The following TRIM9 variants were observed in gnomAD, a reference collection of about 807,000 sequenced individuals.
TRIM9 encodes E3 ubiquitin-protein ligase TRIM9.
Under a neutral mutation model 78.3 loss-of-function variants are expected in TRIM9, and 26 were observed. The ratio of observed to expected loss-of-function variants is 0.33; its 90% confidence interval spans 0.24 to 0.46. TRIM9 has a LOEUF of 0.46. TRIM9 is among the 20% of genes least tolerant of loss of function. TRIM9 has a pLI of 1.00. For missense variants in TRIM9, 787 were observed against 1,036.4 expected (o/e 0.76, Z 3.30); for synonymous variants, 398 against 416.5 (o/e 0.96, Z 0.54).
intron 1 of TRIM9, among the ~76,000 whole-genome samples, chr14:51,051,075 A>G (rs1050040393): frequency 4.6e-5 from 7 of 152,216 alleles, no homozygotes; most frequent in African/African-American, 1.7e-4. Flanking sequence ...AAGGCTTTGT[A>G]GTTCAAGGTA....
intron 1 of TRIM9, among the ~76,000 whole-genome samples, chr14:51,040,405 C>T (rs1473317516): frequency 1.3e-5 from 2 of 152,150 alleles, no homozygotes; most frequent in Admixed American, 6.5e-5. Flanking sequence ...TACCCGGCAG[C>T]ACCCGACATC....
chr14:51,017,517 G>C (rs2057331731), intron 3 of TRIM9, among the ~76,000 whole-genome samples: 1 of 152,244 alleles, frequency 6.6e-6, no homozygotes. Flanking sequence ...TCCTCGTACA[G>C]AGAAGTTAAT....
In TRIM9 at chr14:50,981,814, G is replaced by C. The variant is rs1173896538; in HGVS notation, c.2148C>G (p.Asn716Lys). The part of the protein sequence containing the change: ...DNNRSWFMHN[N>K]SHTNRTEGGI... Reference sequence around the variant, plus strand: ...CTGCAGGGTACCTGTTGGTGTGCGAGTTGTTGTGCATGAACCAGCTCCGGT... The same window carrying C: ...CTGCAGGGTACCTGTTGGTGTGCGACTTGTTGTGCATGAACCAGCTCCGGT... The change falls in exon 11 of 13, where the codon AAC (asparagine) becomes AAG (lysine). Residue 716 changes from asparagine to lysine, a missense_variant. Asn to Lys is a moderately conservative substitution (Grantham distance 94). Around this residue, in one of 3 missense-constraint regions of TRIM9, gnomAD observed 421 missense variants for 514.3 expected, o/e 0.82. Transcript: ENST00000684578. 2.5e-6 allele frequency: 4 copies of C among 1,614,042 alleles called. No homozygotes were observed. Among genetic ancestry groups the C allele is most frequent in the African/African-American group, 2.7e-5 (2 of 74,912 alleles).
intron 1 of TRIM9, among the ~76,000 whole-genome samples, chr14:51,076,715 G>T (rs913937890): frequency 1.3e-5 from 2 of 152,066 alleles, no homozygotes; most frequent in African/African-American, 4.8e-5. Context: ...TTTCATCTTC[G>T]CAACAGTCCT....
At chr14:51,055,002 G>T (rs886964101) in intron 1 of TRIM9, among the ~76,000 whole-genome samples, 3 of 151,164 alleles carry the variant, frequency 2.0e-5, no homozygotes, top group African/African-American at 7.3e-5. Context: ...GCTAATTTTT[G>T]CATTTTCAGA....
At chr14:51,012,490 G>A (rs936192467) in intron 3 of TRIM9, among the ~76,000 whole-genome samples, 6 of 152,044 alleles carry the variant, frequency 3.9e-5, no homozygotes, top group Non-Finnish European at 8.8e-5. Context: ...AATACTTTTG[G>A]CTACTGTGAA....
intron 9 of TRIM9, among the ~76,000 whole-genome samples, 187 bp downstream of exon 9, chr14:50,983,193 A>G (rs1338689624): frequency 6.6e-6 from 1 of 152,224 alleles, no homozygotes; most frequent in Non-Finnish European, 1.5e-5. Flanking sequence ...GTAAGGTTTG[A>G]GGCATAACAT....
chr14:51,023,541 G>A (rs1018875804), intron 2 of TRIM9, among the ~76,000 whole-genome samples: 1 of 152,170 alleles, frequency 6.6e-6, no homozygotes, highest in African/African-American at 2.4e-5. Flanking sequence ...ATAAAAATCA[G>A]ATATGACCCA....
chr14:51,072,965 G>A (rs182510608), intron 1 of TRIM9, among the ~76,000 whole-genome samples: 1 of 152,094 alleles, frequency 6.6e-6, no homozygotes, highest in East Asian at 1.9e-4. Context: ...GGAAAAGGCA[G>A]CTTATTTCAG....
chr14:51,080,147 T>C (rs924705581), intron 1 of TRIM9, among the ~76,000 whole-genome samples: 4 of 152,120 alleles, frequency 2.6e-5, no homozygotes, highest in African/African-American at 9.7e-5. Context: ...AATTTTTTTT[T>C]CTTTTCTAGA....
At chr14:51,055,074 G>T (rs182742308) in intron 1 of TRIM9, among the ~76,000 whole-genome samples, 1 of 151,930 alleles carries the variant, frequency 6.6e-6, no homozygotes, top group African/African-American at 2.4e-5. Flanking sequence ...CGTCCGCCTC[G>T]GCCTCCCAAA....
intron 7 of TRIM9, among the ~76,000 whole-genome samples, chr14:50,992,984 T>TC (rs1302769834): frequency 6.6e-6 from 1 of 152,186 alleles, no homozygotes; most frequent in Non-Finnish European, 1.5e-5. Flanking sequence ...CTCCCCATTT[T>TC]CCCTCCCAGT....
intron 1 of TRIM9, among the ~76,000 whole-genome samples, chr14:51,031,147 C>CAAAAAAAAAAAAAAAAAAAAA (rs1210514761): frequency 9.9e-6 from 1 of 100,758 alleles, no homozygotes; most frequent in South Asian, 3.9e-4. Flanking sequence ...AAACTCTTTC[C>CAAAAAAAAAAAAAAAAAAAAA]AAAAAAAAAA....
chr14:50,994,529 T>C (rs2053950019), intron 7 of TRIM9, among the ~76,000 whole-genome samples: 1 of 152,228 alleles, frequency 6.6e-6, no homozygotes. Context: ...GTCAGATGTC[T>C]AGCCCCTACC....
At chr14:51,072,275 TA>T (rs891275645) in intron 1 of TRIM9, among the ~76,000 whole-genome samples, 1 of 151,956 alleles carries the variant, frequency 6.6e-6, no homozygotes, top group African/African-American at 2.4e-5. Flanking sequence ...TTTACTACAT[TA>T]AAAAAAACAC....
intron 1 of TRIM9, among the ~76,000 whole-genome samples, chr14:51,037,484 ACT>A: frequency 6.6e-6 from 1 of 152,190 alleles, no homozygotes; most frequent in Admixed American, 6.5e-5. Flanking sequence ...TTAAAAGCTA[ACT>A]CACAATGGTG....
At chr14:51,040,274 T>A (rs1341988526) in intron 1 of TRIM9, among the ~76,000 whole-genome samples, 5 of 152,202 alleles carry the variant, frequency 3.3e-5, no homozygotes, top group Non-Finnish European at 7.3e-5. Flanking sequence ...TGACTGAATT[T>A]TCTTTAATAT....
At chr14:51,014,450 T>A (rs1233175958) in intron 3 of TRIM9, among the ~76,000 whole-genome samples, 1 of 152,224 alleles carries the variant, frequency 6.6e-6, no homozygotes, top group African/African-American at 2.4e-5. Context: ...CCACCTTTTT[T>A]ACATTTTAAT....
chr14:51,030,064 G>T (rs770409946), intron 1 of TRIM9, among the ~76,000 whole-genome samples: 2 of 152,208 alleles, frequency 1.3e-5, no homozygotes, highest in Non-Finnish European at 2.9e-5. Context: ...CTTTTTTCCT[G>T]CATGAAGTTT....
Sources: gnomAD v4.1 joint callset for allele counts (sites outside exome capture counted in the v4.1 genomes callset) on GRCh38, gnomAD v4.1.1 for gene constraint, gnomAD v4.1.1 regional missense constraint, MANE v1.5 for transcripts, NCBI Gene and HGNC (gene_info 2026-07-23, HGNC 2026-07-21) for gene names.